The following PLD1 variants were observed in gnomAD, a reference collection of about 807,000 sequenced individuals.
The protein encoded by PLD1 is phospholipase D1, also known as choline phosphatase 1.
Under a neutral mutation model 137.1 loss-of-function variants are expected in PLD1, and 112 were observed. That is an observed-to-expected ratio of 0.82 (90% CI 0.70 to 0.96). The LOEUF is 0.96. Ranked by LOEUF, PLD1 falls within the 40% of genes least tolerant of loss-of-function variation. The pLI is 0.00. For missense variants in PLD1, 1,321 were observed against 1,342.0 expected (o/e 0.98, Z 0.24); for synonymous variants, 431 against 454.7 (o/e 0.95, Z 0.66).
Position 171,645,000 on chromosome 3 carries a change from T to C in PLD1, c.2453A>G (p.Tyr818Cys). The C allele has an allele frequency of 1.9e-6, 3 of 1,613,136 alleles. No individual in the cohort carries two copies. Among genetic ancestry groups the C allele is most frequent in the South Asian group, 2.2e-5 (2 of 91,058 alleles). ...CCCTGGCAGAAGTGGTATCACGACA[T>C]ATACCCGGTATTTCTGGTTTTCCCT... ...AHRENQKYRV[Y>C]VVIPLLPGFE... Residue 818 changes from tyrosine to cysteine, a missense_variant, in exon 22 of 27, where the codon TAT (tyrosine) becomes TGT (cysteine). By Grantham distance (194) the Tyr-to-Cys change is radical. Coordinates refer to ENST00000351298, the MANE Select transcript of PLD1 (RefSeq NM_002662.5).
intron 1 of PLD1, among the ~76,000 whole-genome samples, chr3:171,775,956 G>A (rs1357851501): frequency 1.3e-5 from 2 of 152,160 alleles, no homozygotes; most frequent in East Asian, 3.9e-4. Context: ...AGTATGAGAT[G>A]GAGACAGCTT....
chr3:171,682,160 GAAAGAAAA>G (rs1202153836), intron 16 of PLD1, among the ~76,000 whole-genome samples: 13 of 47,822 alleles, frequency 2.7e-4, no homozygotes, highest in African/African-American at 4.5e-4. Flanking sequence ...AAGAAAGAAA[GAAAGAAAA>G]AGAAAGAAAG....
chr3:171,636,415 T>C (rs1227026182), intron 23 of PLD1, among the ~76,000 whole-genome samples: 1 of 151,198 alleles, frequency 6.6e-6, no homozygotes, highest in Non-Finnish European at 1.5e-5. Flanking sequence ...TAACACAGAG[T>C]ATTTATTTAT....
At chr3:171,745,905 G>A (rs1720121958) in intron 1 of PLD1, among the ~76,000 whole-genome samples, 1 of 152,030 alleles carries the variant, frequency 6.6e-6, no homozygotes, top group African/African-American at 2.4e-5. Flanking sequence ...GACGCCAGTG[G>A]GAACCAGGCT....
chr3:171,696,899 G>A (rs1375189837), intron 12 of PLD1, among the ~76,000 whole-genome samples: 1 of 152,206 alleles, frequency 6.6e-6, no homozygotes, highest in Non-Finnish European at 1.5e-5. Context: ...AAATGGAAAT[G>A]AAGCACTGTT....
At chr3:171,660,804 C>T (rs545813835) in intron 20 of PLD1, among the ~76,000 whole-genome samples, 1 of 152,100 alleles carries the variant, frequency 6.6e-6, no homozygotes, top group South Asian at 2.1e-4. Context: ...GACGGGGTTT[C>T]ACCATGTTGG....
chr3:171,722,691 T>C (rs1009969724), intron 8 of PLD1, among the ~76,000 whole-genome samples: 1 of 152,206 alleles, frequency 6.6e-6, no homozygotes, highest in Non-Finnish European at 1.5e-5. Flanking sequence ...TTTATTCAGA[T>C]GTAATTCACA....
chr3:171,630,871 G>T (rs564317831), intron 23 of PLD1, among the ~76,000 whole-genome samples: 21 of 123,402 alleles, frequency 1.7e-4, no homozygotes, highest in African/African-American at 6.5e-4. Context: ...TTGTGGGGTG[G>T]GGGGAGGGGG....
Position 171,677,587 on chromosome 3 carries a change from G to A in PLD1, c.1975C>T (p.Gln659Ter). Residue 659 changes from glutamine to a stop codon, truncating the protein, a stop_gained, in exon 17 of 27, where the codon CAA becomes TAA. Transcript: ENST00000351298. LOFTEE classifies it high-confidence loss of function. Reference protein sequence around the residue: ...YCNFVFKDWVQLDKPFADFID... With the variant: ...YCNFVFKDWV ...TCACCAGCAAAAGGTTTATCAAGTT[G>A]AACCCAGTCTTTGAAGACGAAATTG... is the stretch of plus-strand genomic sequence containing the variant. 1.2e-6 allele frequency: 2 copies of A among 1,613,996 alleles called. No homozygotes were observed. Among genetic ancestry groups the A allele is most frequent in the Non-Finnish European group, 1.7e-6 (2 of 1,179,916 alleles).
At chr3:171,744,432 G>A (rs1719995399) in intron 1 of PLD1, among the ~76,000 whole-genome samples, 1 of 152,128 alleles carries the variant, frequency 6.6e-6, no homozygotes, top group Non-Finnish European at 1.5e-5. Flanking sequence ...TCAGAAGTCT[G>A]ACTCCCAAAC....
At position 171,642,861 on chromosome 3, in the gene PLD1, G is replaced by C; in HGVS notation, c.2572C>G (p.Leu858Val). ...TTACGCTCTGCTTTTAACTGTCCAA[G>C]GATGGAATTTTCTCCTCTGCACATG... ...RTMCRGENSI[L>V]GQLKAELGNQ... Residue 858 changes from leucine to valine, a missense_variant, in exon 23 of 27, where the codon CTT (leucine) becomes GTT (valine). Physicochemically the swap from Leu to Val is conservative, Grantham distance 32 (BLOSUM62 1). Transcript: ENST00000351298. 1 of 1,589,644 alleles carries C rather than the reference G, an allele frequency of 6.3e-7. No homozygotes were observed.
chr3:171,770,942 C>T (rs192436890), intron 1 of PLD1, among the ~76,000 whole-genome samples: 172 of 137,566 alleles, frequency 1.3e-3, no homozygotes, highest in South Asian at 1.9e-3. Context: ...TATTTACTAA[C>T]AAGACCTCTG....
intron 12 of PLD1, among the ~76,000 whole-genome samples, chr3:171,697,604 T>C (rs1332626883): frequency 6.6e-6 from 1 of 152,174 alleles, no homozygotes; most frequent in Admixed American, 6.5e-5. Context: ...CATCCGGCTA[T>C]GCTAACACTC....
At chr3:171,770,172 T>C (rs1047245389) in intron 1 of PLD1, among the ~76,000 whole-genome samples, 1 of 152,240 alleles carries the variant, frequency 6.6e-6, no homozygotes. Context: ...TTTTATGTTT[T>C]ACAAGTCACA....
chr3:171,702,617 A>G (rs1560232708), intron 11 of PLD1, among the ~76,000 whole-genome samples: 1 of 152,168 alleles, frequency 6.6e-6, no homozygotes, highest in Non-Finnish European at 1.5e-5. Context: ...TAAAATAAAC[A>G]TATTCCTTGA....
At position 171,620,528 on chromosome 3, in the gene PLD1, T is replaced by A; in HGVS notation, c.2594-8A>T. 6.6e-7 allele frequency: 1 copy of A among 1,525,730 alleles called. No homozygotes were observed. Among genetic ancestry groups the A allele is most frequent in the Non-Finnish European group, 9.0e-7 (1 of 1,110,144 alleles). The allele number at this position is 1,525,730 out of a possible 1,614,324, so 94.5% of individuals were successfully genotyped here. ...TTATCCACTGATTACCAACTGCAAA[T>A]TTAAAAAGAAATTATTAAAATTAAT... On this transcript the variant is annotated splice_polypyrimidine_tract_variant and splice_region_variant and intron_variant, in intron 23 of 26. Transcript: ENST00000351298.
chr3:171,643,477 A>G (rs964421676), intron 22 of PLD1, among the ~76,000 whole-genome samples: 5 of 151,826 alleles, frequency 3.3e-5, no homozygotes, highest in African/African-American at 1.2e-4. Context: ...TTGCTCTATG[A>G]GAGTAATAAA....
At chr3:171,783,619 A>C (rs1722879638) in intron 1 of PLD1, among the ~76,000 whole-genome samples, 1 of 151,938 alleles carries the variant, frequency 6.6e-6, no homozygotes, top group Non-Finnish European at 1.5e-5. Context: ...TGATTGAGAT[A>C]GGGTTTGTTT....
chr3:171,720,293 C>CAAAAAAA (rs752618596), intron 8 of PLD1, among the ~76,000 whole-genome samples: 4 of 67,910 alleles, frequency 5.9e-5, no homozygotes, highest in East Asian at 9.0e-4. Context: ...GACCCTGTCT[C>CAAAAAAA]AAAAAAAAAA....
Sources: allele counts gnomAD v4.1 joint callset (sites outside exome capture counted in the v4.1 genomes callset), GRCh38; gene constraint gnomAD v4.1.1; transcripts MANE v1.5; gene names NCBI Gene and HGNC (gene_info 2026-07-23, HGNC 2026-07-21).